The following CCDC141 variants were observed in gnomAD, a reference collection of about 807,000 sequenced individuals.
CCDC141 encodes the protein coiled-coil domain-containing protein 141.
Under a neutral mutation model 181.0 loss-of-function variants are expected in CCDC141, and 168 were observed. The observed-to-expected ratio is 0.93, with a 90% CI of 0.82 to 1.05. The LOEUF is 1.05. Among genes scored for constraint, CCDC141 ranks in the 50% least tolerant of loss-of-function variants. The probability of loss-of-function intolerance (pLI) is 0.00; values close to 1 mark genes in which losing one functional copy is unlikely to be tolerated. For synonymous variants in CCDC141, 666 were observed against 642.3 expected (o/e 1.04, Z -0.56); for missense variants, 1,902 against 1,788.5 (o/e 1.06, Z -1.14).
intron 11 of CCDC141, among the ~76,000 whole-genome samples, chr2:178,881,007 G>C (rs1686578269): frequency 6.6e-6 from 1 of 152,214 alleles, no homozygotes; most frequent in Non-Finnish European, 1.5e-5. Context: ...AACCACTTTT[G>C]AGTTATTGGT....
At chr2:178,941,052 C>A (rs556682227) in intron 6 of CCDC141, among the ~76,000 whole-genome samples, 205 of 152,312 alleles carry the variant, frequency 1.3e-3, no homozygotes, top group African/African-American at 4.9e-3. Context: ...ATTATTATTT[C>A]TTTCCTACAG....
intron 2 of CCDC141, among the ~76,000 whole-genome samples, chr2:179,031,600 C>T (rs1359519203): frequency 2.0e-5 from 3 of 151,880 alleles, no homozygotes; most frequent in African/African-American, 7.3e-5. Context: ...GACATTTATT[C>T]TTTTGTAATG....
At chr2:178,864,036 C>A (rs1685732197) in intron 17 of CCDC141, among the ~76,000 whole-genome samples, 1 of 152,154 alleles carries the variant, frequency 6.6e-6, no homozygotes. Context: ...ACAGGGAGAC[C>A]CAGCTTCATA....
chr2:178,893,807 ACACACACACACACACG>A lies in CCDC141; in HGVS notation c.1266-5155_1266-5140del, dbSNP rs1373277791. On this transcript the variant is annotated intron_variant, in intron 8 of 23. Coordinates refer to ENST00000443758, the MANE Select transcript of CCDC141 (RefSeq NM_173648.4). Reference sequence around the variant, plus strand: ...AAACATTTCTCTCTCTCTCACACACACACACACACACACACGCACACACACACACACACACACACAC... The same window carrying A: ...AAACATTTCTCTCTCTCTCACACACACACACACACACACACACACACACAC... Among the ~76,000 whole-genome samples, 20 of 137,808 alleles carry A rather than the reference ACACACACACACACACG, an allele frequency of 1.5e-4. No homozygotes were observed. In the South Asian group the frequency reaches 4.4e-3, roughly 30 times the overall value. 90.4% of individuals were successfully genotyped at this position (137,808 alleles called of 152,430 possible).
chr2:178,928,220 G>T (rs891809655), intron 6 of CCDC141, among the ~76,000 whole-genome samples: 8 of 152,188 alleles, frequency 5.3e-5, no homozygotes, highest in Admixed American at 5.2e-4. Flanking sequence ...AGGTTGTGAT[G>T]AGTGCAGTTT....
chr2:178,920,582 G>A (rs963250686), intron 6 of CCDC141, among the ~76,000 whole-genome samples: 16 of 152,162 alleles, frequency 1.1e-4, no homozygotes, highest in African/African-American at 3.9e-4. Context: ...AATTAGCTGG[G>A]CATAGTGGCG....
At chr2:178,876,370 G>A (rs1182822093) in intron 12 of CCDC141, 3 of 152,184 alleles carry the variant, frequency 2.0e-5, no homozygotes, top group Non-Finnish European at 4.4e-5. Context: ...AGATTGGTAA[G>A]CTTCACACTG....
chr2:178,896,952 A>G (rs950176778), intron 8 of CCDC141, among the ~76,000 whole-genome samples: 3 of 150,094 alleles, frequency 2.0e-5, no homozygotes, highest in Non-Finnish European at 3.0e-5. Context: ...CTTGTCTGAC[A>G]CCCTTCTCCC....
chr2:178,936,027 T>G (rs1689272855), intron 6 of CCDC141, among the ~76,000 whole-genome samples: 1 of 152,156 alleles, frequency 6.6e-6, no homozygotes, highest in Non-Finnish European at 1.5e-5. Flanking sequence ...TTATAAATAT[T>G]TTCTCCCATT....
intron 17 of CCDC141, among the ~76,000 whole-genome samples, chr2:178,864,468 G>A (rs1302858553): frequency 1.3e-5 from 2 of 152,130 alleles, no homozygotes; most frequent in Non-Finnish European, 2.9e-5. Context: ...GTTCAACCCC[G>A]AAGAGTCGAC....
intron 8 of CCDC141, among the ~76,000 whole-genome samples, chr2:178,897,418 A>C (rs145692163): frequency 1.3e-3 from 197 of 152,358 alleles, no homozygotes; most frequent in African/African-American, 4.4e-3. Flanking sequence ...ACACAAATGA[A>C]AACTGTGGGA....
rs568177864 is a variant in CCDC141 at position 178,888,650 on chromosome 2, G to C, written c.1284C>G (p.Ile428Met). The C allele has an allele frequency of 6.4e-7, 1 of 1,550,630 alleles. No homozygotes were observed. The highest frequency in any genetic ancestry group is 1.4e-5 in the African/African-American group (1 of 73,118). The change falls in exon 9 of 24, where the codon ATC (isoleucine) becomes ATG (methionine). Residue 428 changes from isoleucine to methionine, a missense_variant. By Grantham distance (10) the Ile-to-Met change is conservative (BLOSUM62 1). Coordinates refer to ENST00000443758, the MANE Select transcript of CCDC141 (RefSeq NM_173648.4). Reference sequence around the variant, plus strand: ...TCTTAATGCACCCCATCATCTCATGGATGCCGGACACCTGAGAGCTGAACA... The same window carrying C: ...TCTTAATGCACCCCATCATCTCATGCATGCCGGACACCTGAGAGCTGAACA... ...VDSCSSQVSG[I>M]HEMMGCIKRR... is the part of the protein sequence containing the mutation.
At chr2:178,856,819 A>G (rs991140481) in intron 17 of CCDC141, among the ~76,000 whole-genome samples, 2 of 152,182 alleles carry the variant, frequency 1.3e-5, no homozygotes, top group Non-Finnish European at 2.9e-5. Context: ...TCCTGGCCTC[A>G]AGTGATCCAC....
chr2:179,007,983 A>T (rs576399523), intron 2 of CCDC141, among the ~76,000 whole-genome samples: 2 of 152,300 alleles, frequency 1.3e-5, no homozygotes, highest in Admixed American at 1.3e-4. Flanking sequence ...AGCTCATAAA[A>T]TCTCAGGGTA....
At chr2:178,890,183 G>A (rs887563988) in intron 8 of CCDC141, among the ~76,000 whole-genome samples, 1 of 152,112 alleles carries the variant, frequency 6.6e-6, no homozygotes, top group Non-Finnish European at 1.5e-5. Flanking sequence ...AAGAAACATA[G>A]CTGAAAATGG....
At chr2:179,012,201 G>T (rs1423156049) in intron 2 of CCDC141, among the ~76,000 whole-genome samples, 1 of 151,936 alleles carries the variant, frequency 6.6e-6, no homozygotes, top group African/African-American at 2.4e-5. Context: ...TGTTTGAAAA[G>T]GTAAATAAAA....
chr2:178,914,182 T>A (rs568463205), intron 7 of CCDC141, among the ~76,000 whole-genome samples: 1 of 152,334 alleles, frequency 6.6e-6, no homozygotes, highest in Admixed American at 6.5e-5. Flanking sequence ...ATATTCATAT[T>A]TCATGCCATG....
intron 8 of CCDC141, among the ~76,000 whole-genome samples, chr2:178,899,998 T>A (rs1045067093): frequency 3.3e-5 from 5 of 152,134 alleles, no homozygotes; most frequent in African/African-American, 7.2e-5. Flanking sequence ...TTTTAATGGG[T>A]TTTTATTCTA....
At chr2:179,038,457 T>C (rs971915765) in intron 2 of CCDC141, among the ~76,000 whole-genome samples, 3 of 152,136 alleles carry the variant, frequency 2.0e-5, no homozygotes, top group African/African-American at 7.2e-5. Flanking sequence ...CACAACATTG[T>C]GAATGTAATT....
Sources: gnomAD v4.1 joint callset for allele counts (sites outside exome capture counted in the v4.1 genomes callset) on GRCh38, gnomAD v4.1.1 for gene constraint, MANE v1.5 for transcripts, NCBI Gene and HGNC (gene_info 2026-07-23, HGNC 2026-07-21) for gene names.